The following CCDC60 variants were observed in gnomAD, a reference collection of about 807,000 sequenced individuals.
The protein encoded by CCDC60 is coiled-coil domain-containing protein 60.
A neutral mutation model predicts 63.5 loss-of-function variants in CCDC60; 54 were observed. The observed-to-expected ratio is 0.85, with a 90% CI of 0.68 to 1.07. The LOEUF is 1.07. Ranked by LOEUF, CCDC60 falls within the 50% of genes least tolerant of loss-of-function variation. CCDC60 has a pLI of 0.00. For synonymous variants in CCDC60, 206 were observed against 238.8 expected, an observed-to-expected ratio of 0.86 and a Z score of 1.27; for missense variants, 651 against 684.3, an observed-to-expected ratio of 0.95 and a Z score of 0.54.
chr12:119,376,754 T>C (rs1330249042), intron 1 of CCDC60, among the ~76,000 whole-genome samples: 1 of 152,184 alleles, frequency 6.6e-6, no homozygotes, highest in Non-Finnish European at 1.5e-5. Context: ...CTTTAAACAG[T>C]GTGCCCCTAT....
intron 2 of CCDC60, among the ~76,000 whole-genome samples, chr12:119,440,000 G>A (rs1333012417): frequency 1.3e-5 from 2 of 151,870 alleles, no homozygotes; most frequent in African/African-American, 4.8e-5. Flanking sequence ...CTCGTAAGAG[G>A]GAGTTGAACA....
intron 1 of CCDC60, among the ~76,000 whole-genome samples, chr12:119,358,634 C>T (rs1955742161): frequency 1.3e-5 from 2 of 152,200 alleles, no homozygotes; most frequent in Non-Finnish European, 2.9e-5. Context: ...CCATCCTGAC[C>T]TCTATCACCA....
intron 1 of CCDC60, among the ~76,000 whole-genome samples, chr12:119,352,391 T>C (rs946590749): frequency 6.6e-6 from 1 of 152,214 alleles, no homozygotes; most frequent in African/African-American, 2.4e-5. Flanking sequence ...GCCAGGTGAT[T>C]TACAAACAGT....
At chr12:119,404,272 A>G (rs557981165) in intron 1 of CCDC60, among the ~76,000 whole-genome samples, 58 of 152,352 alleles carry the variant, frequency 3.8e-4, no homozygotes, top group African/African-American at 1.0e-3. Context: ...CCTGGTTGAC[A>G]GAGTGAGATT....
chr12:119,400,961 ACT>A, intron 1 of CCDC60, among the ~76,000 whole-genome samples: 1 of 152,112 alleles, frequency 6.6e-6, no homozygotes, highest in Non-Finnish European at 1.5e-5. Flanking sequence ...TGGGCAATTC[ACT>A]CTGTGCAGAG....
intron 5 of CCDC60, among the ~76,000 whole-genome samples, chr12:119,489,804 T>C (rs1370492564): frequency 6.7e-6 from 1 of 150,318 alleles, no homozygotes. Flanking sequence ...AAAACCTGAG[T>C]CTTTTTTTTT....
In CCDC60 at chr12:119,456,062, AGCAAGCAAGCAT is replaced by A. The variant is rs1193878081; in HGVS notation, c.171-15930_171-15919del. Among the ~76,000 whole-genome samples, 11 of 74,826 alleles carry A rather than the reference AGCAAGCAAGCAT, an allele frequency of 1.5e-4. No individual in the cohort carries two copies. The highest frequency in any genetic ancestry group is 6.5e-4 in the African/African-American group (11 of 16,878). The allele number at this position is 74,826 out of a possible 152,430, so 49.1% of individuals were successfully genotyped here. Reference sequence around the variant, plus strand: ...AAGAAAGAAAGAAAGAAAGAAAGAAAGCAAGCAAGCATGTGCAATTTCAAGGGGGTAGAGAGA... The same window carrying A: ...AAGAAAGAAAGAAAGAAAGAAAGAAAGTGCAATTTCAAGGGGGTAGAGAGA... On this transcript the variant is annotated intron_variant, in intron 2 of 13. Coordinates refer to ENST00000327554, the MANE Select transcript of CCDC60 (RefSeq NM_178499.5). The surrounding 1 kb of genome is among the most constrained non-coding windows in gnomAD (Gnocchi z 4.6).
chr12:119,391,420 A>G (rs935365642), intron 1 of CCDC60, among the ~76,000 whole-genome samples: 3 of 152,350 alleles, frequency 2.0e-5, no homozygotes, highest in Admixed American at 6.5e-5. Flanking sequence ...AGGCATGGAT[A>G]TAATGTTAGA....
intron 3 of CCDC60, among the ~76,000 whole-genome samples, chr12:119,477,233 G>T (rs566947633): frequency 1.3e-5 from 2 of 152,172 alleles, no homozygotes; most frequent in Admixed American, 6.5e-5. Context: ...CCTGGTGCCC[G>T]GAATCACATG....
At chr12:119,524,681 G>T (rs538553187) in intron 11 of CCDC60, among the ~76,000 whole-genome samples, 1 of 146,048 alleles carries the variant, frequency 6.8e-6, no homozygotes, top group Admixed American at 6.9e-5. Flanking sequence ...CCTCAGAAAG[G>T]TTTCCTTGGA....
At chr12:119,412,337 G>T (rs1956617979) in intron 1 of CCDC60, among the ~76,000 whole-genome samples, 1 of 152,144 alleles carries the variant, frequency 6.6e-6, no homozygotes, top group African/African-American at 2.4e-5. Flanking sequence ...GACCTTCAGG[G>T]GGTTCACTTG....
At chr12:119,403,105 C>T (rs761757505) in intron 1 of CCDC60, among the ~76,000 whole-genome samples, 2 of 152,138 alleles carry the variant, frequency 1.3e-5, no homozygotes, top group Non-Finnish European at 1.5e-5. Context: ...CCAAGATAGT[C>T]GCCAAGAGCT....
At chr12:119,527,289 G>A (rs1056340668) in intron 11 of CCDC60, among the ~76,000 whole-genome samples, 2 of 151,958 alleles carry the variant, frequency 1.3e-5, no homozygotes, top group African/African-American at 4.8e-5. Context: ...AGGAGGGGGA[G>A]GAGCAAAAAA....
intron 11 of CCDC60, among the ~76,000 whole-genome samples, chr12:119,528,316 C>A (rs1952748261): frequency 6.6e-6 from 1 of 152,006 alleles, no homozygotes. Flanking sequence ...AAATAGGAAT[C>A]ATTATTATTC....
At chr12:119,512,393 A>G (rs1952235894) in intron 7 of CCDC60, among the ~76,000 whole-genome samples, 1 of 152,198 alleles carries the variant, frequency 6.6e-6, no homozygotes. Flanking sequence ...TGCTATCAAT[A>G]AAAAGACAAA....
chr12:119,401,759 G>T (rs1047065218), intron 1 of CCDC60, among the ~76,000 whole-genome samples: 3 of 152,184 alleles, frequency 2.0e-5, no homozygotes, highest in Non-Finnish European at 4.4e-5. Flanking sequence ...TGTTTATAGA[G>T]CATCAAAGTG....
intron 12 of CCDC60, among the ~76,000 whole-genome samples, chr12:119,529,811 C>T (rs1952788602): frequency 6.6e-6 from 1 of 152,150 alleles, no homozygotes; most frequent in Non-Finnish European, 1.5e-5. Flanking sequence ...TGAACTAACT[C>T]ACATAAAGGT....
intron 5 of CCDC60, among the ~76,000 whole-genome samples, chr12:119,490,379 T>A (rs558119829): frequency 1.3e-3 from 205 of 152,292 alleles, no homozygotes; most frequent in African/African-American, 4.6e-3. Context: ...ACCTCTGTAA[T>A]GTAAAACAGA....
chr12:119,345,912 G>T (rs892710814), intron 1 of CCDC60, among the ~76,000 whole-genome samples: 3 of 151,768 alleles, frequency 2.0e-5, no homozygotes, highest in Non-Finnish European at 4.4e-5. Flanking sequence ...CCACCTCCCG[G>T]GTTCAAGGGA....
Sources: gnomAD v4.1 joint callset for allele counts (sites outside exome capture counted in the v4.1 genomes callset) on GRCh38, gnomAD v4.1.1 for gene constraint, Gnocchi (gnomAD v3.1) non-coding constraint, MANE v1.5 for transcripts, NCBI Gene and HGNC (gene_info 2026-07-23, HGNC 2026-07-21) for gene names.